TMEM132D: variants seen among roughly 807,000 people sequenced by gnomAD.
TMEM132D encodes the protein transmembrane protein 132D, also known as mature OL transmembrane protein.
Under a neutral mutation model 62.3 loss-of-function variants are expected in TMEM132D, and 21 were observed. That is an observed-to-expected ratio of 0.34 (90% CI 0.24 to 0.49). TMEM132D has a LOEUF of 0.49. Among genes scored for constraint, TMEM132D ranks in the 20% least tolerant of loss-of-function variants. TMEM132D has a pLI of 0.99. For missense variants in TMEM132D, 1,346 were observed against 1,402.8 expected, an observed-to-expected ratio of 0.96 and a Z score of 0.65; for synonymous variants, 621 against 575.6, an observed-to-expected ratio of 1.08 and a Z score of -1.13.
chr12:129,653,834 A>G (rs1879994761), intron 2 of TMEM132D, among the ~76,000 whole-genome samples: 1 of 152,282 alleles, frequency 6.6e-6, no homozygotes, highest in South Asian at 2.1e-4. Context: ...CAACGACCCA[A>G]TAGTGGGAAG....
intron 5 of TMEM132D, among the ~76,000 whole-genome samples, chr12:129,157,154 C>T (rs1466907361): frequency 6.6e-6 from 1 of 152,216 alleles, no homozygotes; most frequent in African/African-American, 2.4e-5. Context: ...ATAACTCACT[C>T]ACTCCCATCA....
intron 6 of TMEM132D, among the ~76,000 whole-genome samples, chr12:129,082,583 T>C (rs916782628): frequency 6.6e-6 from 1 of 152,104 alleles, no homozygotes; most frequent in African/African-American, 2.4e-5. Flanking sequence ...CGAGTGAGCC[T>C]GCATGTAGAT....
intron 3 of TMEM132D, among the ~76,000 whole-genome samples, chr12:129,463,651 T>C: frequency 6.8e-6 from 1 of 147,312 alleles, no homozygotes; most frequent in African/African-American, 2.5e-5. Context: ...CAGGCCCCGA[T>C]GTGTGATGTT....
chr12:129,438,201 T>G (rs868128796), intron 3 of TMEM132D, among the ~76,000 whole-genome samples: 3 of 152,154 alleles, frequency 2.0e-5, no homozygotes, highest in Admixed American at 6.5e-5. Context: ...GCAATAAACA[T>G]ACGTGTGCAT....
rs959599705 is a variant in TMEM132D, at chr12:129,827,117, T to C, written c.79+76144A>G. On this transcript the variant is annotated intron_variant, in intron 1 of 8. Coordinates refer to ENST00000422113, the MANE Select transcript of TMEM132D (RefSeq NM_133448.3). This position sits in a 1 kb window ranked among gnomAD's most constrained non-coding sequence, Gnocchi z 9.7. ...GTTCAGAAGGCAATTTAACATCTCA[T>C]AACAATCACTCTTAATAATAGCAAT... 3.9e-5 allele frequency among the ~76,000 whole-genome samples: 6 copies of C among 152,236 alleles called. No individual in the cohort carries two copies. Among genetic ancestry groups the C allele is most frequent in the Admixed American group, 1.3e-4 (2 of 15,292 alleles).
rs550646914 is a variant in TMEM132D at position 129,822,431 on chromosome 12, G to C, written c.79+80830C>G. ...GGGCAAGCCAGGCTCAAGCTCCCAAGGGTCCCTCCCCAGGGAGTCACACAG... is the reference window on the plus strand; with the variant it reads ...GGGCAAGCCAGGCTCAAGCTCCCAACGGTCCCTCCCCAGGGAGTCACACAG... On this transcript the variant is annotated intron_variant, in intron 1 of 8. Transcript: ENST00000422113. Among the ~76,000 whole-genome samples, 79 of 152,300 alleles carry C rather than the reference G, an allele frequency of 5.2e-4. No homozygotes were observed. In the South Asian group the frequency reaches 0.016, roughly 30 times the overall value.
chr12:129,227,693 C>T (rs944904322), intron 4 of TMEM132D, among the ~76,000 whole-genome samples: 3 of 151,788 alleles, frequency 2.0e-5, no homozygotes, highest in Non-Finnish European at 4.4e-5. Flanking sequence ...TGGTGTGCTG[C>T]ACCCATTAAC....
Position 129,779,282 on chromosome 12 carries a change from T to A in TMEM132D, c.80-78584A>T, listed in dbSNP as rs918195826. Among the ~76,000 whole-genome samples, 2 of 152,196 alleles carry A rather than the reference T, an allele frequency of 1.3e-5. No homozygotes were observed. The highest frequency in any genetic ancestry group is 4.8e-5 in the African/African-American group (2 of 41,452). Reference sequence around the variant, plus strand: ...ATGAAGCTTTTATTCCAGCTGGCCATGTGCTCAGTGATTTTTGTTTGTTTG... The same window carrying A: ...ATGAAGCTTTTATTCCAGCTGGCCAAGTGCTCAGTGATTTTTGTTTGTTTG... On this transcript the variant is annotated intron_variant, in intron 1 of 8. Coordinates refer to ENST00000422113, the MANE Select transcript of TMEM132D (RefSeq NM_133448.3). The surrounding 1 kb of genome is among the most constrained non-coding windows in gnomAD (Gnocchi z 4.1).
At chr12:129,543,379 T>C (rs1472265833) in intron 2 of TMEM132D, among the ~76,000 whole-genome samples, 3 of 124,280 alleles carry the variant, frequency 2.4e-5, no homozygotes, top group East Asian at 2.6e-4. Context: ...GATGTAAGGA[T>C]GGATGGATGG....
chr12:129,365,156 G>T (rs1385177750), intron 3 of TMEM132D, among the ~76,000 whole-genome samples: 3 of 152,156 alleles, frequency 2.0e-5, no homozygotes, highest in African/African-American at 4.8e-5. Flanking sequence ...TAGTTGTCAG[G>T]TGTAGATGTT....
intron 2 of TMEM132D, among the ~76,000 whole-genome samples, chr12:129,649,860 G>A (rs1031861374): frequency 2.7e-5 from 3 of 110,346 alleles, no homozygotes; most frequent in African/African-American, 7.9e-5. Context: ...TTGTATATGT[G>A]TATGTATGTG....
Position 129,072,533 on chromosome 12 carries a change from C to G in TMEM132D, c.*1342G>C, listed in dbSNP as rs1874104570. On this transcript the variant is annotated 3_prime_UTR_variant, in exon 9 of 9. Transcript: ENST00000422113. ...AACCTTTCGGGGCTGACTGCAGGAC[C>G]AAGTGCTTGCAAACCTGCATCTTCA... 6.6e-6 allele frequency: 1 copy of G among 152,322 alleles called. No homozygotes were observed. The highest frequency in any genetic ancestry group is 6.5e-5 in the Admixed American group (1 of 15,280). 9.4% of individuals were successfully genotyped at this position (152,322 alleles called of 1,614,324 possible). A position where few individuals can be genotyped will look rare whatever the true frequency, so the allele number is the denominator to read the frequency against.
intron 4 of TMEM132D, among the ~76,000 whole-genome samples, chr12:129,221,916 C>G (rs769272106): frequency 7.9e-5 from 12 of 152,152 alleles, no homozygotes; most frequent in Non-Finnish European, 1.6e-4. Flanking sequence ...AATACTATAT[C>G]TAATTAGCAA....
At chr12:129,212,831 T>C (rs1879093078) in intron 4 of TMEM132D, among the ~76,000 whole-genome samples, 1 of 113,300 alleles carries the variant, frequency 8.8e-6, no homozygotes, top group Non-Finnish European at 1.9e-5. Flanking sequence ...AGGCTGGATG[T>C]GGCACTGAGA....
intron 4 of TMEM132D, among the ~76,000 whole-genome samples, chr12:129,241,367 C>A (rs143101059): frequency 6.6e-6 from 1 of 152,208 alleles, no homozygotes; most frequent in African/African-American, 2.4e-5. Context: ...TTCCATGAGA[C>A]CCTGAATGAC....
At chr12:129,238,596 T>C (rs1297727006) in intron 4 of TMEM132D, among the ~76,000 whole-genome samples, 3 of 152,250 alleles carry the variant, frequency 2.0e-5, no homozygotes, top group Non-Finnish European at 4.4e-5. Flanking sequence ...TTTCTGTGAC[T>C]AGTTCATTTC....
At chr12:129,828,712 AAGGGAGGAAAGGAGGG>A (rs1872731724) in intron 1 of TMEM132D, among the ~76,000 whole-genome samples, 1 of 14,918 alleles carries the variant, frequency 6.7e-5, no homozygotes, top group African/African-American at 2.0e-4. Context: ...AGGGAGAAGG[AAGGGAGGAAAGGAGGG>A]AGGGAGGAAA....
intron 1 of TMEM132D, among the ~76,000 whole-genome samples, chr12:129,739,893 G>A (rs1869545816): frequency 6.6e-6 from 1 of 152,184 alleles, no homozygotes; most frequent in South Asian, 2.1e-4. Context: ...TGCTCGAGGA[G>A]TACCTACTTT....
intron 3 of TMEM132D, among the ~76,000 whole-genome samples, chr12:129,480,466 G>A (rs1874395078): frequency 6.6e-6 from 1 of 152,230 alleles, no homozygotes; most frequent in South Asian, 2.1e-4. Context: ...GCTCAGCTAG[G>A]CGGTCCTTGG....
Sources: gnomAD v4.1 joint callset for allele counts (sites outside exome capture counted in the v4.1 genomes callset) on GRCh38, gnomAD v4.1.1 for gene constraint, Gnocchi (gnomAD v3.1) non-coding constraint, MANE v1.5 for transcripts, NCBI Gene and HGNC (gene_info 2026-07-23, HGNC 2026-07-21) for gene names.